Variants in PHACTR1 observed in about 807,000 individuals in gnomAD.
PHACTR1 encodes the protein RPEL repeat containing 1.
In PHACTR1, 16 loss-of-function variants were observed where a neutral mutation model predicts 69.2. That is an observed-to-expected ratio of 0.23 (90% confidence interval 0.16 to 0.35). PHACTR1 has a LOEUF of 0.35. PHACTR1 is among the 10% of genes least tolerant of loss of function. PHACTR1 has a pLI of 1.00. For missense variants in PHACTR1, 510 were observed against 734.7 expected (o/e 0.69, Z 3.54); for synonymous variants, 312 against 284.5 (o/e 1.10, Z -0.97).
intron 4 of PHACTR1, among the ~76,000 whole-genome samples, chr6:12,802,594 C>G (rs929778803): frequency 1.3e-5 from 2 of 152,054 alleles, no homozygotes; most frequent in African/African-American, 4.8e-5. Flanking sequence ...TAGGATGTAC[C>G]ATTATTTTCT....
intron 4 of PHACTR1, among the ~76,000 whole-genome samples, chr6:12,892,598 G>A (rs1288791925): frequency 6.6e-6 from 1 of 152,162 alleles, no homozygotes; most frequent in African/African-American, 2.4e-5. Flanking sequence ...TATAACTTGA[G>A]TTAATGGTCA....
intron 4 of PHACTR1, among the ~76,000 whole-genome samples, chr6:12,894,519 C>T (rs1265939759): frequency 3.9e-5 from 6 of 152,216 alleles, no homozygotes; most frequent in Non-Finnish European, 5.9e-5. Context: ...GCATGAGAAT[C>T]GTTTGAACTG....
intron 10 of PHACTR1, among the ~76,000 whole-genome samples, chr6:13,250,508 T>C (rs891181594): frequency 4.6e-5 from 7 of 152,208 alleles, no homozygotes; most frequent in African/African-American, 1.7e-4. Context: ...CAGGTATCAT[T>C]GAAAGCAGCT....
chr6:13,065,258 A>G (rs554825344), intron 5 of PHACTR1, among the ~76,000 whole-genome samples: 1 of 152,282 alleles, frequency 6.6e-6, no homozygotes, highest in African/African-American at 2.4e-5. Context: ...AGTGTGAAGC[A>G]AAGTCGAGGG....
At chr6:12,718,514 T>G (rs184104736) in intron 2 of PHACTR1, 185 bp from the exon 3 acceptor site, 209 of 291,972 alleles carry the variant, frequency 7.2e-4, no homozygotes, top group African/African-American at 4.0e-3. Context: ...GAATGTTGGC[T>G]AAATGCGGCA....
rs979759407 is a variant in PHACTR1 at position 13,248,428 on chromosome 6, T to C, written c.1391+18235T>C. On this transcript the variant is annotated intron_variant, in intron 10 of 14. Transcript: ENST00000332995. Reference sequence around the variant, plus strand: ...TAAATGTGTATCACATATTAAGTGATCTCTATGCATTAATTTGTTGATAAT... The same window carrying C: ...TAAATGTGTATCACATATTAAGTGACCTCTATGCATTAATTTGTTGATAAT... 2.6e-5 allele frequency among the ~76,000 whole-genome samples: 4 copies of C among 152,382 alleles called. No individual in the cohort carries two copies. In the East Asian group the frequency reaches 7.7e-4, roughly 29 times the overall value.
rs1164081107 is a variant in PHACTR1, at chr6:13,245,504, G to GTTGTT, written c.1391+15313_1391+15317dup. 1.3e-5 allele frequency among the ~76,000 whole-genome samples: 2 copies of GTTGTT among 152,058 alleles called. No individual in the cohort carries two copies. Among genetic ancestry groups the GTTGTT allele is most frequent in the African/African-American group, 4.8e-5 (2 of 41,410 alleles). ...GTCTGTTCATGTCCTTTTTAATGGG[G>GTTGTT]TTGTTTGTTTTTTGCTTGTAAATTT... On this transcript the variant is annotated intron_variant, in intron 10 of 14. Transcript: ENST00000332995. This position sits in a 1 kb window ranked among gnomAD's most constrained non-coding sequence, Gnocchi z 4.1.
chr6:13,028,130 G>T (rs1468446712), intron 4 of PHACTR1, among the ~76,000 whole-genome samples: 1 of 152,194 alleles, frequency 6.6e-6, no homozygotes, highest in Non-Finnish European at 1.5e-5. Flanking sequence ...TCACACATAT[G>T]TCTTGTTTTT....
At chr6:13,064,840 T>A (rs1261432416) in intron 5 of PHACTR1, among the ~76,000 whole-genome samples, 1 of 151,484 alleles carries the variant, frequency 6.6e-6, no homozygotes, top group African/African-American at 2.4e-5. Flanking sequence ...GTCAACTTGA[T>A]TTTTGTGATT....
At chr6:13,187,024 C>T (rs6941008) in intron 7 of PHACTR1, among the ~76,000 whole-genome samples, 7,499 of 152,144 alleles carry the variant, frequency 0.049, 617 homozygotes, top group African/African-American at 0.17. Context: ...TCCTCACATG[C>T]GCAGTTCACA....
chr6:13,064,583 T>C (rs1461983753), intron 5 of PHACTR1, among the ~76,000 whole-genome samples: 3 of 6,476 alleles, frequency 4.6e-4, no homozygotes, highest in African/African-American at 7.6e-4. Flanking sequence ...TATATATATA[T>C]ATATATATAT....
chr6:13,077,255 C>A (rs1810658288), intron 5 of PHACTR1, among the ~76,000 whole-genome samples: 1 of 151,768 alleles, frequency 6.6e-6, no homozygotes, highest in African/African-American at 2.4e-5. Flanking sequence ...TCCCTCTAGC[C>A]CAATGAGGTA....
At chr6:13,022,090 A>G (rs1355045949) in intron 4 of PHACTR1, among the ~76,000 whole-genome samples, 2 of 152,236 alleles carry the variant, frequency 1.3e-5, no homozygotes, top group African/African-American at 4.8e-5. Flanking sequence ...ACCTCTGAGG[A>G]GTGACTGTTT....
At chr6:13,074,411 G>A (rs1037971263) in intron 5 of PHACTR1, among the ~76,000 whole-genome samples, 2 of 152,212 alleles carry the variant, frequency 1.3e-5, no homozygotes, top group African/African-American at 4.8e-5. Context: ...TACCCATACA[G>A]CACTGGTGGA....
chr6:13,191,768 G>T (rs1258755702), intron 7 of PHACTR1, among the ~76,000 whole-genome samples: 1 of 152,182 alleles, frequency 6.6e-6, no homozygotes, highest in Non-Finnish European at 1.5e-5. Context: ...TTTTTAAGAT[G>T]TCAAAACTCA....
chr6:13,001,667 C>T (rs1798107579), intron 4 of PHACTR1, among the ~76,000 whole-genome samples: 1 of 152,208 alleles, frequency 6.6e-6, no homozygotes, highest in African/African-American at 2.4e-5. Flanking sequence ...AACCTGACAG[C>T]CTAGAAAGTG....
At chr6:13,074,167 A>G (rs1810020963) in intron 5 of PHACTR1, among the ~76,000 whole-genome samples, 1 of 152,172 alleles carries the variant, frequency 6.6e-6, no homozygotes. Flanking sequence ...CACTGCACCT[A>G]GCCCATATTT....
chr6:13,034,269 G>A (rs4715069), intron 4 of PHACTR1, among the ~76,000 whole-genome samples: 2 of 151,856 alleles, frequency 1.3e-5, no homozygotes, highest in South Asian at 4.1e-4. Flanking sequence ...CGCCCGCCTC[G>A]GCCTCCCAAA....
At chr6:13,010,319 G>A (rs1490785105) in intron 4 of PHACTR1, among the ~76,000 whole-genome samples, 2 of 152,040 alleles carry the variant, frequency 1.3e-5, no homozygotes, top group Admixed American at 6.5e-5. Context: ...GTAGACACAG[G>A]GTTTCACCAT....
Sources: gnomAD v4.1 joint callset for allele counts (sites outside exome capture counted in the v4.1 genomes callset) on GRCh38, gnomAD v4.1.1 for gene constraint, Gnocchi (gnomAD v3.1) non-coding constraint, MANE v1.5 for transcripts, NCBI Gene and HGNC (gene_info 2026-07-23, HGNC 2026-07-21) for gene names.